SLC5A4: variants seen among roughly 807,000 people sequenced by gnomAD.
The protein encoded by SLC5A4 is solute carrier family 5 member 4.
Under a neutral mutation model 70.3 loss-of-function variants are expected in SLC5A4, and 55 were observed. The observed-to-expected ratio is 0.78, with a 90% CI of 0.63 to 0.98. The LOEUF (loss-of-function observed/expected upper bound fraction) is 0.98, where lower values mean the gene tolerates loss of function less well. Among genes scored for constraint, SLC5A4 ranks in the 50% least tolerant of loss-of-function variants. SLC5A4 has a pLI of 0.00. For synonymous variants in SLC5A4, 268 were observed against 305.7 expected, an observed-to-expected ratio of 0.88 and a Z score of 1.29; for missense variants, 735 against 839.2, an observed-to-expected ratio of 0.88 and a Z score of 1.53.
the SLC5A4 span, chr22:32,269,988 C>T: frequency 3.9e-6 from 2 of 511,756 alleles, no homozygotes; most frequent in African/African-American, 3.8e-5. This position sits in a 1 kb window ranked among gnomAD's most constrained non-coding sequence, Gnocchi z 4.1. Flanking sequence ...ACTCTCTCCT[C>T]CTCAAGTACA....
the SLC5A4 span, among the ~76,000 whole-genome samples, chr22:32,341,991 C>G: frequency 1.3e-5 from 2 of 152,198 alleles, no homozygotes; most frequent in Non-Finnish European, 2.9e-5. Context: ...ATTACAAAAG[C>G]ATTTTATTTT....
the SLC5A4 span, among the ~76,000 whole-genome samples, chr22:32,320,304 A>G: frequency 1.3e-5 from 2 of 152,134 alleles, no homozygotes; most frequent in South Asian, 4.2e-4. Context: ...TTGGAAGGCA[A>G]TTTGACACAT....
chr22:32,292,129 G>GAAATTAT, the SLC5A4 span, among the ~76,000 whole-genome samples: 1 of 70,272 alleles, frequency 1.4e-5, no homozygotes, highest in African/African-American at 6.4e-5. Context: ...ACATATACTA[G>GAAATTAT]ATATTATATA....
At chr22:32,335,671 C>A in the SLC5A4 span, among the ~76,000 whole-genome samples, 2 of 152,188 alleles carry the variant, frequency 1.3e-5, no homozygotes, top group Non-Finnish European at 2.9e-5. Flanking sequence ...GCCCAGGCGG[C>A]CCCAGAGCCC....
the SLC5A4 span, among the ~76,000 whole-genome samples, chr22:32,318,844 C>CT: frequency 6.6e-6 from 1 of 152,196 alleles, no homozygotes; most frequent in African/African-American, 2.4e-5. Context: ...CACTCTTTTC[C>CT]TTTTCATTCT....
In SLC5A4 at chr22:32,218,733, A is replaced by T. The variant is rs757340561; in HGVS notation, c.1769-8T>A. On this transcript the variant is annotated splice_polypyrimidine_tract_variant and splice_region_variant and intron_variant, in intron 14 of 14. Coordinates refer to ENST00000266086, the MANE Select transcript of SLC5A4 (RefSeq NM_014227.3). ...GTGATTTCTCAGGATAATCTGGAACAAAGATAAGCAAATGATTGCAGAAGA... is the reference window on the plus strand; with the variant it reads ...GTGATTTCTCAGGATAATCTGGAACTAAGATAAGCAAATGATTGCAGAAGA... The T allele has an allele frequency of 6.9e-6, 11 of 1,603,778 alleles. 1 individual carries two copies. In the East Asian group the frequency reaches 1.8e-4, roughly 26 times the overall value.
At chr22:32,302,861 A>G in the SLC5A4 span, among the ~76,000 whole-genome samples, 16 of 152,366 alleles carry the variant, frequency 1.1e-4, no homozygotes, top group African/African-American at 3.8e-4. Flanking sequence ...CTTCAAAAAA[A>G]TCTTCCTGGG....
chr22:32,354,453 T>C, the SLC5A4 span, among the ~76,000 whole-genome samples: 1 of 148,914 alleles, frequency 6.7e-6, no homozygotes, highest in African/African-American at 2.5e-5. Flanking sequence ...AATGATGCCC[T>C]GGATATAACA....
intron 8 of SLC5A4, among the ~76,000 whole-genome samples, chr22:32,233,963 T>A (rs188328423): frequency 1.5e-3 from 221 of 152,042 alleles, no homozygotes; most frequent in African/African-American, 5.0e-3. Flanking sequence ...TGAATGCTGA[T>A]CTCTCCAAAA....
At chr22:32,326,506 C>T in the SLC5A4 span, among the ~76,000 whole-genome samples, 8 of 152,140 alleles carry the variant, frequency 5.3e-5, no homozygotes, top group Non-Finnish European at 7.4e-5. Flanking sequence ...CCACCCGCCT[C>T]GGCCTCTCAA....
chr22:32,272,474 C>G, the SLC5A4 span: 6 of 753,588 alleles, frequency 8.0e-6, no homozygotes, highest in Non-Finnish European at 1.4e-5. Context: ...ATCCTGGCAG[C>G]CGACCTCATG....
At chr22:32,233,566 G>A (rs1456509038) in intron 8 of SLC5A4, among the ~76,000 whole-genome samples, 1 of 152,198 alleles carries the variant, frequency 6.6e-6, no homozygotes, top group Non-Finnish European at 1.5e-5. Flanking sequence ...CATTGGATAA[G>A]GTTGGGCACC....
At chr22:32,293,189 A>G in the SLC5A4 span, among the ~76,000 whole-genome samples, 7 of 152,202 alleles carry the variant, frequency 4.6e-5, no homozygotes, top group Non-Finnish European at 1.0e-4. Flanking sequence ...AATGTCTTTT[A>G]TAAATAACAT....
intron 11 of SLC5A4, among the ~76,000 whole-genome samples, chr22:32,226,800 C>T (rs901693408): frequency 5.9e-5 from 9 of 152,110 alleles, no homozygotes; most frequent in Non-Finnish European, 1.2e-4. Flanking sequence ...TGGATGACCT[C>T]GCCTCCAGGC....
the SLC5A4 span, among the ~76,000 whole-genome samples, chr22:32,332,452 AT>A: frequency 6.6e-6 from 1 of 152,298 alleles, no homozygotes; most frequent in Admixed American, 6.5e-5. Context: ...CGACAGGCTC[AT>A]TCCTTTCCAT....
At chr22:32,265,049 A>C in the SLC5A4 span, among the ~76,000 whole-genome samples, 1 of 152,220 alleles carries the variant, frequency 6.6e-6, no homozygotes, top group African/African-American at 2.4e-5. Context: ...CCACTTATTG[A>C]TGTACTACAA....
chr22:32,340,278 G>A, the SLC5A4 span, among the ~76,000 whole-genome samples: 177 of 152,296 alleles, frequency 1.2e-3, no homozygotes, highest in African/African-American at 4.2e-3. Context: ...TGTTACTAAC[G>A]GTACTAATGC....
the SLC5A4 span, among the ~76,000 whole-genome samples, chr22:32,303,167 G>C: frequency 2.6e-5 from 4 of 152,172 alleles, no homozygotes; most frequent in African/African-American, 7.2e-5. Context: ...CACAGCTTCA[G>C]AAGATCCTCA....
At chr22:32,235,911 A>T (rs1384287562) in intron 7 of SLC5A4, among the ~76,000 whole-genome samples, 1 of 152,242 alleles carries the variant, frequency 6.6e-6, no homozygotes, top group African/African-American at 2.4e-5. Flanking sequence ...CAAGGCAGGA[A>T]CTTAGCCGAG....
Sources: gnomAD v4.1 joint callset for allele counts (sites outside exome capture counted in the v4.1 genomes callset) on GRCh38, gnomAD v4.1.1 for gene constraint, Gnocchi (gnomAD v3.1) non-coding constraint, MANE v1.5 for transcripts, NCBI Gene and HGNC (gene_info 2026-07-23, HGNC 2026-07-21) for gene names.